The following CSMD1 variants were observed in gnomAD, a reference collection of about 807,000 sequenced individuals.
CSMD1 encodes the protein CUB and Sushi multiple domains 1.
In CSMD1, 213 loss-of-function variants were observed where a neutral mutation model predicts 417.5. The ratio of observed to expected loss-of-function variants is 0.51; its 90% CI spans 0.46 to 0.57. The LOEUF (loss-of-function observed/expected upper bound fraction) is 0.57, where lower values mean the gene tolerates loss of function less well. CSMD1 is among the 20% of genes least tolerant of loss of function. The pLI, the probability that CSMD1 is intolerant of heterozygous loss-of-function variation, is 0.00. For missense variants in CSMD1, 6,923 were observed against 4,529.7 expected, an observed-to-expected ratio of 1.53 and a Z score of -15.17; for synonymous variants, 2,862 against 1,736.8, an observed-to-expected ratio of 1.65 and a Z score of -16.11.
chr8:3,889,686 C>G (rs915487455), intron 5 of CSMD1, among the ~76,000 whole-genome samples: 4 of 151,436 alleles, frequency 2.6e-5, no homozygotes, highest in African/African-American at 9.7e-5. Flanking sequence ...CAAAATGAAA[C>G]TCAACCTGGA....
At chr8:4,102,051 T>G (rs1407257925) in intron 3 of CSMD1, among the ~76,000 whole-genome samples, 1 of 152,210 alleles carries the variant, frequency 6.6e-6, no homozygotes, top group African/African-American at 2.4e-5. Flanking sequence ...AAGTCAGTCT[T>G]CTGAGATCAG....
chr8:3,689,635 T>A (rs1282170291), intron 7 of CSMD1, among the ~76,000 whole-genome samples: 2 of 152,204 alleles, frequency 1.3e-5, no homozygotes, highest in Admixed American at 1.3e-4. Context: ...GCTTACTATG[T>A]GGCAGGCCTG....
intron 11 of CSMD1, among the ~76,000 whole-genome samples, chr8:3,477,065 T>C (rs1259155583): frequency 6.6e-6 from 1 of 152,198 alleles, no homozygotes; most frequent in African/African-American, 2.4e-5. Context: ...TATACATGTA[T>C]TTACAGTCAT....
chr8:4,630,199 T>G (rs1006585116), intron 2 of CSMD1, among the ~76,000 whole-genome samples: 3 of 152,116 alleles, frequency 2.0e-5, no homozygotes, highest in African/African-American at 7.2e-5. Context: ...GTTTTCTTAT[T>G]TTATCACAGA....
chr8:4,405,522 A>G (rs564589235), intron 3 of CSMD1, among the ~76,000 whole-genome samples: 194 of 152,340 alleles, frequency 1.3e-3, no homozygotes, highest in Non-Finnish European at 2.4e-3. Context: ...GCGGCTTAAC[A>G]AAAAATTATA....
chr8:3,399,374 A>G lies in CSMD1; in HGVS notation c.2405+17T>C. 1 of 1,588,600 alleles carries G rather than the reference A, an allele frequency of 6.3e-7. No individual in the cohort carries two copies. The highest frequency in any genetic ancestry group is 8.6e-7 in the Non-Finnish European group (1 of 1,168,006). On this transcript the variant is annotated intron_variant, in intron 16 of 69. Coordinates refer to ENST00000635120, the MANE Select transcript of CSMD1 (RefSeq NM_033225.6). Reference sequence around the variant, plus strand: ...CACACACCATTGGGTCCAAATGAAGACTAATTTTTTTCTTACCTGTCAAAA... The same window carrying G: ...CACACACCATTGGGTCCAAATGAAGGCTAATTTTTTTCTTACCTGTCAAAA...
chr8:4,198,613 A>C (rs1421386245), intron 3 of CSMD1, among the ~76,000 whole-genome samples: 2 of 152,170 alleles, frequency 1.3e-5, no homozygotes, highest in African/African-American at 2.4e-5. Flanking sequence ...ATGAGTCTTT[A>C]AGCATATAGA....
chr8:4,932,514 G>A (rs1335466200), intron 1 of CSMD1, among the ~76,000 whole-genome samples: 1 of 152,140 alleles, frequency 6.6e-6, no homozygotes, highest in Non-Finnish European at 1.5e-5. Context: ...AGATATAAAT[G>A]AACGTATTCA....
At chr8:4,165,903 G>C (rs1039895803) in intron 3 of CSMD1, among the ~76,000 whole-genome samples, 1 of 152,184 alleles carries the variant, frequency 6.6e-6, no homozygotes, top group African/African-American at 2.4e-5. Context: ...GCCTAGCACA[G>C]TATCAGATAT....
In CSMD1 at chr8:3,218,417, C is replaced by T. The variant is rs891517119; in HGVS notation, c.4672+838G>A. On this transcript the variant is annotated intron_variant, in intron 29 of 69. Coordinates refer to ENST00000635120, the MANE Select transcript of CSMD1 (RefSeq NM_033225.6). ...TCTACTAAAAATACAAAAAATCAGC[C>T]GGGCGTGGTGGCAGCTGCCTGTAGT... Among the ~76,000 whole-genome samples the T allele has an allele frequency of 1.2e-4, 18 of 151,588 alleles. 1 individual carries two copies. Among genetic ancestry groups the T allele is most frequent in the African/African-American group, 3.6e-4 (15 of 41,304 alleles).
intron 17 of CSMD1, among the ~76,000 whole-genome samples, chr8:3,395,263 C>T (rs1811615377): frequency 6.6e-6 from 1 of 152,088 alleles, no homozygotes. Context: ...AAAACTTTGG[C>T]AAAATAAAAG....
At chr8:4,685,232 A>G (rs1806296166) in intron 1 of CSMD1, among the ~76,000 whole-genome samples, 1 of 152,216 alleles carries the variant, frequency 6.6e-6, no homozygotes, top group South Asian at 2.1e-4. Flanking sequence ...GCTGCATGGG[A>G]GAAAATAAAC....
At position 4,256,890 on chromosome 8, in the gene CSMD1, G is replaced by A. The variant is rs561234572; in HGVS notation, c.415+163063C>T. On this transcript the variant is annotated intron_variant, in intron 3 of 69. Coordinates refer to ENST00000635120, the MANE Select transcript of CSMD1 (RefSeq NM_033225.6). ...AGGGGGAGAATCGCTACTGGACGAT[G>A]TGGTTCAGAATGAGTTTGCAGAATT... 3.9e-5 allele frequency among the ~76,000 whole-genome samples: 6 copies of A among 152,178 alleles called. No individual in the cohort carries two copies. In the South Asian group the frequency reaches 1.2e-3, roughly 32 times the overall value.
At chr8:3,422,293 T>C (rs778808969) in intron 12 of CSMD1, among the ~76,000 whole-genome samples, 2 of 152,150 alleles carry the variant, frequency 1.3e-5, no homozygotes, top group Non-Finnish European at 2.9e-5. Flanking sequence ...ACCTGATCAA[T>C]GCTCAGCCAA....
intron 1 of CSMD1, among the ~76,000 whole-genome samples, chr8:4,858,701 C>T (rs1013305170): frequency 2.0e-5 from 3 of 149,784 alleles, no homozygotes; most frequent in Non-Finnish European, 4.5e-5. Flanking sequence ...AGGAATCCAA[C>T]TTACAAGGGA....
chr8:4,028,360 TA>T (rs972012195), intron 4 of CSMD1, among the ~76,000 whole-genome samples: 3 of 152,154 alleles, frequency 2.0e-5, no homozygotes, highest in African/African-American at 7.2e-5. Context: ...TTAAATTTGC[TA>T]AAGTAGTGCC....
chr8:3,873,468 C>G lies in CSMD1; in HGVS notation c.819-119426G>C, dbSNP rs546967218. 3.1e-4 allele frequency among the ~76,000 whole-genome samples: 47 copies of G among 152,108 alleles called. No homozygotes were observed. The South Asian group carries it at 9.6e-3, about 31-fold the overall frequency. ...TAACACAGCAACAGAAAACCAAATACCACACGTTCTACCTTCTAAGTGGAA... is the reference window on the plus strand; with the variant it reads ...TAACACAGCAACAGAAAACCAAATAGCACACGTTCTACCTTCTAAGTGGAA... On this transcript the variant is annotated intron_variant, in intron 5 of 69. Transcript: ENST00000635120.
At chr8:4,465,928 G>T (rs566153462) in intron 2 of CSMD1, among the ~76,000 whole-genome samples, 3 of 152,174 alleles carry the variant, frequency 2.0e-5, no homozygotes, top group Non-Finnish European at 4.4e-5. Flanking sequence ...AGAAGGAAAA[G>T]TCAGTAGAGA....
At chr8:4,275,437 T>C (rs1161839012) in intron 3 of CSMD1, among the ~76,000 whole-genome samples, 2 of 152,134 alleles carry the variant, frequency 1.3e-5, no homozygotes, top group African/African-American at 2.4e-5. Context: ...GTGTGCATGA[T>C]ACTATGGCCT....
Sources: allele counts gnomAD v4.1 joint callset (sites outside exome capture counted in the v4.1 genomes callset), GRCh38; gene constraint gnomAD v4.1.1; transcripts MANE v1.5; gene names NCBI Gene and HGNC (gene_info 2026-07-23, HGNC 2026-07-21).